Variants in WWOX observed in about 807,000 individuals in gnomAD.
WWOX encodes WW domain containing oxidoreductase, also known as WW domain-containing oxidoreductase.
In WWOX, 69 loss-of-function variants were observed where a neutral mutation model predicts 46.2. The observed-to-expected ratio is 1.49, with a 90% confidence interval of 1.23 to 1.82. The LOEUF (loss-of-function observed/expected upper bound fraction) is 1.82. WWOX is among the 40% of genes most tolerant of loss of function. WWOX has a pLI of 0.00. For synonymous variants in WWOX, 359 were observed against 202.6 expected (o/e 1.77, Z -6.56); for missense variants, 919 against 542.6 (o/e 1.69, Z -6.89).
chr16:79,111,807 C>T (rs1356308797), intron 8 of WWOX, among the ~76,000 whole-genome samples: 3 of 152,108 alleles, frequency 2.0e-5, no homozygotes, highest in African/African-American at 7.2e-5. Flanking sequence ...CCACACCATC[C>T]CATGAGCCCA....
chr16:78,196,827 C>T (rs888747382), intron 5 of WWOX, among the ~76,000 whole-genome samples: 1 of 152,190 alleles, frequency 6.6e-6, no homozygotes, highest in Admixed American at 6.5e-5. Flanking sequence ...ATTTAATGTA[C>T]TCTCTGATCA....
Position 78,798,101 on chromosome 16 carries a change from G to A in WWOX, c.1056+365349G>A, listed in dbSNP as rs142002298. Reference sequence around the variant, plus strand: ...GGAAGCTGAGGTTCAGAGAGATGGGGTAGCTTGCTCATGTTATATAGGGAG... The same window carrying A: ...GGAAGCTGAGGTTCAGAGAGATGGGATAGCTTGCTCATGTTATATAGGGAG... On this transcript the variant is annotated intron_variant, in intron 8 of 8. Transcript: ENST00000566780. Among the ~76,000 whole-genome samples the A allele has an allele frequency of 1.8e-4, 28 of 152,308 alleles. No individual in the cohort carries two copies. The South Asian group carries it at 3.1e-3, about 17-fold the overall frequency.
intron 8 of WWOX, among the ~76,000 whole-genome samples, chr16:78,617,859 T>C (rs986010602): frequency 6.6e-6 from 1 of 152,360 alleles, no homozygotes; most frequent in Admixed American, 6.5e-5. Flanking sequence ...TATTTTGACA[T>C]TTCTGTCAAA....
intron 4 of WWOX, among the ~76,000 whole-genome samples, chr16:78,120,959 G>C (rs1301044283): frequency 6.6e-6 from 1 of 151,324 alleles, no homozygotes; most frequent in Non-Finnish European, 1.5e-5. Context: ...TTTTGCCTTT[G>C]AGCCTAAAGC....
chr16:78,980,565 CG>C (rs1219445257), intron 8 of WWOX, among the ~76,000 whole-genome samples: 1 of 151,976 alleles, frequency 6.6e-6, no homozygotes, highest in Non-Finnish European at 1.5e-5. Context: ...TTTTACGAAG[CG>C]TTTTCTTTTA....
intron 8 of WWOX, among the ~76,000 whole-genome samples, chr16:78,797,332 G>C (rs2050764901): frequency 7.8e-6 from 1 of 128,572 alleles, no homozygotes; most frequent in Non-Finnish European, 1.6e-5. Flanking sequence ...AGGACACAAG[G>C]TATGCAATTT....
At chr16:78,720,402 C>A (rs1461548086) in intron 8 of WWOX, among the ~76,000 whole-genome samples, 1 of 148,444 alleles carries the variant, frequency 6.7e-6, no homozygotes, top group Non-Finnish European at 1.5e-5. Context: ...GATCTGTTAA[C>A]ACGAAAACTA....
At chr16:78,748,945 T>G (rs1399933236) in intron 8 of WWOX, among the ~76,000 whole-genome samples, 1 of 152,226 alleles carries the variant, frequency 6.6e-6, no homozygotes, top group Non-Finnish European at 1.5e-5. Context: ...TAATTCATCT[T>G]TATGCCCGTA....
intron 8 of WWOX, among the ~76,000 whole-genome samples, chr16:79,133,831 C>A (rs922922953): frequency 2.0e-5 from 3 of 152,126 alleles, no homozygotes; most frequent in African/African-American, 7.2e-5. Flanking sequence ...TTGGTCAATC[C>A]TCAGTAAATG....
intron 8 of WWOX, among the ~76,000 whole-genome samples, chr16:78,708,354 A>G (rs1013785368): frequency 6.6e-6 from 1 of 152,172 alleles, no homozygotes; most frequent in Admixed American, 6.5e-5. Flanking sequence ...GTGAAACTCA[A>G]ATTTTACTCG....
At chr16:78,854,394 C>G (rs2052520784) in intron 8 of WWOX, among the ~76,000 whole-genome samples, 1 of 152,148 alleles carries the variant, frequency 6.6e-6, no homozygotes. Flanking sequence ...TATCATGAAA[C>G]ACATTCTAAT....
At chr16:78,797,357 GTAA>G (rs1388481630) in intron 8 of WWOX, among the ~76,000 whole-genome samples, 10 of 16,764 alleles carry the variant, frequency 6.0e-4, no homozygotes, top group Non-Finnish European at 1.2e-3. Flanking sequence ...GGTCAAAGTG[GTAA>G]AAAAAAAAAA....
At chr16:78,680,451 T>C (rs2047702503) in intron 8 of WWOX, among the ~76,000 whole-genome samples, 2 of 151,992 alleles carry the variant, frequency 1.3e-5, no homozygotes, top group South Asian at 4.2e-4. Context: ...GGAGGATCGC[T>C]TGAGCCCCGG....
intron 8 of WWOX, among the ~76,000 whole-genome samples, chr16:78,759,270 A>C (rs1257336744): frequency 6.6e-6 from 1 of 152,214 alleles, no homozygotes; most frequent in Admixed American, 6.5e-5. Context: ...TGGGCATGGC[A>C]GGGAAATAAC....
intron 8 of WWOX, among the ~76,000 whole-genome samples, chr16:78,691,972 A>G (rs1361923119): frequency 6.6e-6 from 1 of 152,202 alleles, no homozygotes; most frequent in African/African-American, 2.4e-5. Context: ...TGGGTGTATC[A>G]GGAGTTTCCG....
At chr16:78,109,095 C>G (rs1300323739) in intron 2 of WWOX, among the ~76,000 whole-genome samples, 1 of 152,144 alleles carries the variant, frequency 6.6e-6, no homozygotes, top group Non-Finnish European at 1.5e-5. Context: ...TTGTTCTTGG[C>G]TATACTATGG....
chr16:78,581,360 C>T lies in WWOX; in HGVS notation c.1056+148608C>T, dbSNP rs546760467. 1.7e-4 allele frequency among the ~76,000 whole-genome samples: 26 copies of T among 152,170 alleles called. No individual in the cohort carries two copies. In the South Asian group the frequency reaches 5.2e-3, roughly 30 times the overall value. ...ATAATTCAAAATTCAATTGCTGTAC[C>T]CTTTTTCATATGAATAGATAATACA... On this transcript the variant is annotated intron_variant, in intron 8 of 8. Transcript: ENST00000566780.
At chr16:79,057,959 G>T (rs895753666) in intron 8 of WWOX, among the ~76,000 whole-genome samples, 7 of 152,076 alleles carry the variant, frequency 4.6e-5, no homozygotes, top group Non-Finnish European at 1.0e-4. Context: ...TCAAATCGCT[G>T]TTTGCTTCTT....
chr16:78,558,706 G>A (rs1484393956), intron 8 of WWOX, among the ~76,000 whole-genome samples: 2 of 152,214 alleles, frequency 1.3e-5, no homozygotes, highest in Non-Finnish European at 2.9e-5. Flanking sequence ...GCTGGCCTCT[G>A]CCAGTGTCAC....
Sources: gnomAD v4.1 joint callset for allele counts (sites outside exome capture counted in the v4.1 genomes callset) on GRCh38, gnomAD v4.1.1 for gene constraint, MANE v1.5 for transcripts, NCBI Gene and HGNC (gene_info 2026-07-23, HGNC 2026-07-21) for gene names.